The following KDM6A variants were observed in gnomAD, a reference collection of about 807,000 sequenced individuals.
KDM6A encodes lysine-specific demethylase 6A.
Under a neutral mutation model 117.6 loss-of-function variants are expected in KDM6A, and 11 were observed. That is an observed-to-expected ratio of 0.09 (90% confidence interval 0.06 to 0.15). The LOEUF (loss-of-function observed/expected upper bound fraction) is 0.15. KDM6A is among the 10% of genes least tolerant of loss of function. The pLI, the probability that KDM6A is intolerant of heterozygous loss-of-function variation, is 1.00. For missense variants in KDM6A, 799 were observed against 1,077.3 expected (o/e 0.74, Z 3.62); for synonymous variants, 384 against 396.1 (o/e 0.97, Z 0.36).
In KDM6A at chrX:45,048,053, G is replaced by A. The variant is rs143187004; in HGVS notation, c.655-3656G>A. On this transcript the variant is annotated intron_variant, in intron 8 of 29. Coordinates refer to ENST00000611820, the MANE Select transcript of KDM6A (RefSeq NM_001291415.2). ...GGCGTGCCTGTAATCCTAGCTGTTC[G>A]GGAGACTGAGGCAGGAGAATCGCTT... Among the ~76,000 whole-genome samples the A allele has an allele frequency of 7.7e-3, 810 of 105,596 alleles. 9 individuals are homozygous for A. The highest frequency in any genetic ancestry group is 0.027 in the African/African-American group (770 of 28,862). The allele number at this position is 105,596 out of a possible 115,157, so 91.7% of individuals were successfully genotyped here.
At chrX:44,985,242 T>A (rs1164816942) in intron 4 of KDM6A, among the ~76,000 whole-genome samples, 2 of 111,880 alleles carry the variant, frequency 1.8e-5, no homozygotes, top group Non-Finnish European at 1.9e-5. Flanking sequence ...TGCTTATGAT[T>A]TTTGCACATG....
rs141721396 is a variant in KDM6A, at chrX:44,972,570, G to A, written c.335-2096G>A. Among the ~76,000 whole-genome samples the A allele has an allele frequency of 8.1e-3, 909 of 111,536 alleles. 7 individuals are homozygous for A. The highest frequency in any genetic ancestry group is 0.022 in the South Asian group (57 of 2,646). ...AGAAGAGATTTTAGCGTTATAATGT[G>A]GCTTCTGGTTCCTCAATAGTTTACA... On this transcript the variant is annotated intron_variant, in intron 3 of 29. Coordinates refer to ENST00000611820, the MANE Select transcript of KDM6A (RefSeq NM_001291415.2).
intron 8 of KDM6A, among the ~76,000 whole-genome samples, chrX:45,039,563 G>A (rs1474642937): frequency 1.3e-5 from 1 of 77,817 alleles, no homozygotes; most frequent in Non-Finnish European, 2.5e-5. Flanking sequence ...CGCAGAGGGG[G>A]ATTTGGCAGG....
intron 8 of KDM6A, among the ~76,000 whole-genome samples, chrX:45,044,045 C>T (rs1383834090): frequency 9.0e-6 from 1 of 111,518 alleles, no homozygotes; most frequent in Non-Finnish European, 1.9e-5. Context: ...ACATGCTGTA[C>T]AGGTTTGTAG....
intron 27 of KDM6A, among the ~76,000 whole-genome samples, chrX:45,102,766 T>C (rs1467671136): frequency 8.9e-6 from 1 of 112,112 alleles, no homozygotes; most frequent in Non-Finnish European, 1.9e-5. Flanking sequence ...TCCCCCCATC[T>C]AGGAGCTTAA....
chrX:45,085,244 A>G (rs1291700766), intron 24 of KDM6A, among the ~76,000 whole-genome samples: 1 of 111,900 alleles, frequency 8.9e-6, no homozygotes, highest in African/African-American at 3.2e-5. Context: ...AAAAATGGTA[A>G]TGATATCTAT....
chrX:45,098,086 G>A (rs1172385694), intron 27 of KDM6A, among the ~76,000 whole-genome samples: 2 of 111,779 alleles, frequency 1.8e-5, no homozygotes, highest in Non-Finnish European at 3.8e-5. Context: ...CTCTGCAAAT[G>A]AACTTAATTT....
intron 2 of KDM6A, among the ~76,000 whole-genome samples, chrX:44,949,240 C>A (rs1010871261): frequency 9.1e-6 from 1 of 110,225 alleles, no homozygotes; most frequent in Non-Finnish European, 1.9e-5. Context: ...AAAAAAAATA[C>A]AAAAATTAGC....
At chrX:44,951,512 T>G (rs1479946013) in intron 2 of KDM6A, among the ~76,000 whole-genome samples, 1 of 111,834 alleles carries the variant, frequency 8.9e-6, no homozygotes, top group Non-Finnish European at 1.9e-5. Flanking sequence ...GTTACTTTTG[T>G]TTTGGATATG....
At chrX:44,992,989 T>C in intron 4 of KDM6A, among the ~76,000 whole-genome samples, 1 of 112,419 alleles carries the variant, frequency 8.9e-6, no homozygotes, top group East Asian at 2.8e-4. Flanking sequence ...ATTAGATAGC[T>C]GTAGCCTATT....
intron 4 of KDM6A, among the ~76,000 whole-genome samples, chrX:45,010,747 G>C: frequency 8.9e-6 from 1 of 111,824 alleles, no homozygotes; most frequent in East Asian, 2.8e-4. Context: ...ATTTCTGCTA[G>C]TAAATATTTT....
At chrX:44,988,477 T>C (rs1461792059) in intron 4 of KDM6A, among the ~76,000 whole-genome samples, 2 of 111,459 alleles carry the variant, frequency 1.8e-5, no homozygotes, top group East Asian at 5.6e-4. Flanking sequence ...TTGGAGGAGG[T>C]GAGGCGCTCT....
At chrX:45,024,438 T>C (rs1423288122) in intron 6 of KDM6A, among the ~76,000 whole-genome samples, 1 of 112,136 alleles carries the variant, frequency 8.9e-6, no homozygotes, top group Non-Finnish European at 1.9e-5. Flanking sequence ...GTATATCTTC[T>C]TTTGAGAATT....
chrX:45,012,197 A>ATTTTTTTTTTTTTTTTTTTTTTTTTTTTT, intron 5 of KDM6A, among the ~76,000 whole-genome samples: 1 of 69,070 alleles, frequency 1.4e-5, no homozygotes, highest in African/African-American at 6.3e-5. Flanking sequence ...CCCAATGTAG[A>ATTTTTTTTTTTTTTTTTTTTTTTTTTTTT]TTTTTTTTTT....
chrX:44,875,456 A>C (rs2031409517), intron 2 of KDM6A, among the ~76,000 whole-genome samples: 1 of 111,604 alleles, frequency 9.0e-6, no homozygotes, highest in Admixed American at 9.6e-5. Flanking sequence ...TTAAACTTTG[A>C]CTACGTAGGT....
intron 24 of KDM6A, among the ~76,000 whole-genome samples, chrX:45,084,330 G>A (rs1270796298): frequency 2.7e-5 from 3 of 111,926 alleles, no homozygotes; most frequent in African/African-American, 9.7e-5. Context: ...TTCACAGGGT[G>A]ATATTCAAAA....
At chrX:45,022,054 G>A (rs1245681482) in intron 6 of KDM6A, among the ~76,000 whole-genome samples, 3 of 112,138 alleles carry the variant, frequency 2.7e-5, no homozygotes, top group African/African-American at 9.7e-5. Flanking sequence ...TTATTATGTT[G>A]CAGAAGTGTT....
intron 3 of KDM6A, among the ~76,000 whole-genome samples, chrX:44,962,295 C>A (rs192760961): frequency 8.9e-6 from 1 of 111,934 alleles, no homozygotes; most frequent in Admixed American, 9.5e-5. Context: ...CAGGCATATT[C>A]TGTGAGGTTT....
chrX:44,896,369 G>A (rs942425859), intron 2 of KDM6A, among the ~76,000 whole-genome samples: 9 of 110,934 alleles, frequency 8.1e-5, no homozygotes, highest in East Asian at 2.8e-4. Context: ...GAGTCACCGC[G>A]CCCGGCCAAA....
Sources: gnomAD v4.1 joint callset for allele counts (sites outside exome capture counted in the v4.1 genomes callset) on GRCh38, gnomAD v4.1.1 for gene constraint, MANE v1.5 for transcripts, NCBI Gene and HGNC (gene_info 2026-07-23, HGNC 2026-07-21) for gene names.